The following MOGAT1 variants were observed in gnomAD, a reference collection of about 807,000 sequenced individuals.
MOGAT1 encodes 2-acylglycerol O-acyltransferase 1.
In MOGAT1, 32 loss-of-function variants were observed where a neutral mutation model predicts 31.4. That is an observed-to-expected ratio of 1.02 (90% CI 0.77 to 1.37). The LOEUF (loss-of-function observed/expected upper bound fraction) is 1.37, where lower values mean the gene tolerates loss of function less well. Among genes scored for constraint, MOGAT1 ranks in the 40% most tolerant of loss-of-function variants. The probability of loss-of-function intolerance (pLI) is 0.00; values close to 1 mark genes in which losing one functional copy is unlikely to be tolerated. For missense variants in MOGAT1, 426 were observed against 402.0 expected (o/e 1.06, Z -0.51); for synonymous variants, 145 against 144.5 (o/e 1.00, Z -0.03).
At chr2:222,687,804 G>A (rs1407389447) in intron 1 of MOGAT1, among the ~76,000 whole-genome samples, 1 of 152,164 alleles carries the variant, frequency 6.6e-6, no homozygotes, top group East Asian at 1.9e-4. Flanking sequence ...TGGCTGCTTG[G>A]TCAAGGTAGG....
At chr2:222,702,925 T>G (rs1692947753) in intron 5 of MOGAT1, among the ~76,000 whole-genome samples, 3 of 152,076 alleles carry the variant, frequency 2.0e-5, no homozygotes, top group African/African-American at 7.2e-5. Flanking sequence ...AAACTTAATT[T>G]TTCATTGTAA....
intron 3 of MOGAT1, 61 bp downstream of exon 3, chr2:222,689,530 T>C: frequency 6.8e-7 from 1 of 1,467,516 alleles, no homozygotes; most frequent in Non-Finnish European, 9.5e-7. Context: ...ACACAGAACA[T>C]TCCCTCCCAG....
intron 3 of MOGAT1, 21 bp from the exon 4 acceptor site, chr2:222,694,340 AC>A: frequency 1.3e-6 from 2 of 1,568,900 alleles, no homozygotes; most frequent in Non-Finnish European, 1.7e-6. Context: ...ATAACTAGTT[AC>A]TTTTTGTTTT....
At chr2:222,699,113 C>T (rs1692878568) in intron 5 of MOGAT1, 1 of 151,070 alleles carries the variant, frequency 6.6e-6, no homozygotes, top group Non-Finnish European at 1.5e-5. Flanking sequence ...AAGCAATTCT[C>T]CTGCCTTAGG....
chr2:222,707,139 A>G (rs1299895483), intron 5 of MOGAT1, among the ~76,000 whole-genome samples: 1 of 151,774 alleles, frequency 6.6e-6, no homozygotes, highest in African/African-American at 2.4e-5. Context: ...CTGCAGTGAG[A>G]CGAGATCACA....
chr2:222,686,238 A>G (rs1692666318), intron 1 of MOGAT1, among the ~76,000 whole-genome samples: 2 of 152,228 alleles, frequency 1.3e-5, no homozygotes, highest in East Asian at 1.9e-4. Flanking sequence ...TTTAAGGATT[A>G]GGCAGATCCA....
intron 5 of MOGAT1, among the ~76,000 whole-genome samples, chr2:222,702,717 C>T (rs1466586157): frequency 1.3e-5 from 2 of 151,274 alleles, no homozygotes; most frequent in Non-Finnish European, 2.9e-5. Flanking sequence ...TGTTTCAAGT[C>T]ACTTTTATAT....
intron 1 of MOGAT1, chr2:222,678,411 G>A (rs1692529241): frequency 6.6e-6 from 1 of 152,058 alleles, no homozygotes; most frequent in African/African-American, 2.4e-5. Flanking sequence ...TAAATCTTTT[G>A]CCTGGTTTTT....
At chr2:222,689,987 G>T (rs1474923591) in intron 3 of MOGAT1, among the ~76,000 whole-genome samples, 1 of 152,232 alleles carries the variant, frequency 6.6e-6, no homozygotes, top group African/African-American at 2.4e-5. Flanking sequence ...GGGCGCGGTG[G>T]CTCACGCCTG....
At chr2:222,707,544 T>G (rs1243895773) in intron 5 of MOGAT1, among the ~76,000 whole-genome samples, 2 of 152,150 alleles carry the variant, frequency 1.3e-5, no homozygotes, top group Non-Finnish European at 2.9e-5. Context: ...GTGCTTTTTG[T>G]GCAACTCCCG....
chr2:222,675,252 C>T (rs893419995), intron 1 of MOGAT1, among the ~76,000 whole-genome samples: 3 of 152,160 alleles, frequency 2.0e-5, no homozygotes, highest in African/African-American at 7.2e-5. Context: ...ACCTTCTGGG[C>T]AAGACTTCTT....
chr2:222,676,974 A>T (rs1692507298), intron 1 of MOGAT1, among the ~76,000 whole-genome samples: 1 of 152,220 alleles, frequency 6.6e-6, no homozygotes, highest in Admixed American at 6.5e-5. Flanking sequence ...AGCCATCCAC[A>T]ATTATACTAA....
Position 222,707,788 on chromosome 2 carries a change from A to ATG in MOGAT1, c.854-1938_854-1937dup, listed in dbSNP as rs778656118. ...TTAATGTTGCAGTAAGGATGTGTGTATGTGTGTGTGTCCTCTGTGCCCCCT... is the reference window on the plus strand; with the variant it reads ...TTAATGTTGCAGTAAGGATGTGTGTATGTGTGTGTGTGTCCTCTGTGCCCCCT... On this transcript the variant is annotated intron_variant, in intron 5 of 5. Coordinates refer to ENST00000446656, the MANE Select transcript of MOGAT1 (RefSeq NM_058165.3). Among the ~76,000 whole-genome samples, 4 of 152,276 alleles carry ATG rather than the reference A, an allele frequency of 2.6e-5. 1 individual carries two copies. Among genetic ancestry groups the ATG allele is most frequent in the East Asian group, 1.9e-4 (1 of 5,178 alleles).
At chr2:222,708,597 T>C (rs1693041974) in intron 5 of MOGAT1, among the ~76,000 whole-genome samples, 1 of 152,260 alleles carries the variant, frequency 6.6e-6, no homozygotes, top group South Asian at 2.1e-4. Flanking sequence ...TTCTCATTTG[T>C]AGAAAATTTA....
intron 3 of MOGAT1, among the ~76,000 whole-genome samples, chr2:222,692,183 G>A (rs1425314973): frequency 1.3e-5 from 2 of 152,206 alleles, no homozygotes; most frequent in African/African-American, 4.8e-5. Flanking sequence ...GATGGAAGCG[G>A]CCTGTTGAGT....
At position 222,688,481 on chromosome 2, in the gene MOGAT1, T is replaced by G. The variant is rs181021442; in HGVS notation, c.232T>G (p.Trp78Gly). Residue 78 changes from tryptophan (W) to glycine (G), a missense_variant, in exon 2 of 6, where the codon TGG becomes GGG. By Grantham distance (184) the Trp-to-Gly change is radical. Transcript: ENST00000446656. ...GGRRSSWIKNWTLWKHFKDYF... is the reference protein window; with the variant it reads ...GGRRSSWIKNGTLWKHFKDYF... ...CAGGAGATCCAGCTGGATCAAAAAT[T>G]GGACTCTTTGGAAACACTTTAAGGA... 1.2e-6 allele frequency: 2 copies of G among 1,613,616 alleles called. No individual in the cohort carries two copies. Among genetic ancestry groups the G allele is most frequent in the Non-Finnish European group, 1.7e-6 (2 of 1,179,806 alleles).
intron 5 of MOGAT1, among the ~76,000 whole-genome samples, chr2:222,702,366 T>C (rs1272079874): frequency 1.3e-5 from 2 of 152,218 alleles, no homozygotes; most frequent in Non-Finnish European, 2.9e-5. Context: ...TTACATTTCT[T>C]GAGTATAATA....
rs1209938924 is a variant in MOGAT1 at position 222,671,808 on chromosome 2, T to C, written c.23T>C (p.Leu8Pro). The change falls in exon 1 of 6, where the codon CTC (leucine) becomes CCC (proline). Residue 8 changes from leucine to proline, a missense_variant. Coordinates refer to ENST00000446656, the MANE Select transcript of MOGAT1 (RefSeq NM_058165.3). MKVEFAP[L>P]NIQLARRLQT... ...GCCATGAAGGTAGAGTTTGCACCGC[T>C]CAACATCCAGCTGGCGCGGCGGCTG... 2 of 1,553,496 alleles carry C rather than the reference T, an allele frequency of 1.3e-6. No homozygotes were observed. Among genetic ancestry groups the C allele is most frequent in the Non-Finnish European group, 1.7e-6 (2 of 1,148,444 alleles).
chr2:222,688,208 C>T (rs952880254), intron 1 of MOGAT1, 136 bp from the exon 2 acceptor site: 1 of 591,818 alleles, frequency 1.7e-6, no homozygotes. Context: ...TGTGTCATTA[C>T]TGTCTTGTTA....
Sources: gnomAD v4.1 joint callset for allele counts (sites outside exome capture counted in the v4.1 genomes callset) on GRCh38, gnomAD v4.1.1 for gene constraint, MANE v1.5 for transcripts, NCBI Gene and HGNC (gene_info 2026-07-23, HGNC 2026-07-21) for gene names.